Variants in LDHB observed in about 807,000 individuals in gnomAD.
LDHB encodes the protein L-lactate dehydrogenase B chain.
In LDHB, 18 loss-of-function variants were observed where a neutral mutation model predicts 33.4. The ratio of observed to expected loss-of-function variants is 0.54; its 90% confidence interval spans 0.37 to 0.80. LDHB has a LOEUF of 0.80. Ranked by LOEUF, LDHB falls within the 30% of genes least tolerant of loss-of-function variation. LDHB has a pLI of 0.00. For missense variants in LDHB, 345 were observed against 407.9 expected, an observed-to-expected ratio of 0.85 and a Z score of 1.33; for synonymous variants, 121 against 140.6, an observed-to-expected ratio of 0.86 and a Z score of 0.98.
intron 1 of LDHB, among the ~76,000 whole-genome samples, chr12:21,656,011 T>C (rs1245874373): frequency 6.6e-6 from 1 of 151,640 alleles, no homozygotes; most frequent in Non-Finnish European, 1.5e-5. Flanking sequence ...TTTTCACTTG[T>C]TTTTTACTTT....
At chr12:21,647,775 C>T (rs1938565884) in intron 2 of LDHB, among the ~76,000 whole-genome samples, 1 of 35,020 alleles carries the variant, frequency 2.9e-5, no homozygotes, top group African/African-American at 5.8e-5. Flanking sequence ...CCGCCCACTG[C>T]AATCTCCACC....
intron 6 of LDHB, among the ~76,000 whole-genome samples, chr12:21,637,654 T>C (rs1938254214): frequency 6.6e-6 from 1 of 151,984 alleles, no homozygotes. Context: ...TCAGCACAAA[T>C]TGTAGCTCTT....
At chr12:21,654,267 A>C in intron 2 of LDHB, 1 of 410,936 alleles carries the variant, frequency 2.4e-6, no homozygotes, top group South Asian at 2.7e-5. Flanking sequence ...CAACATGGAG[A>C]ATTTTAAATG....
intron 2 of LDHB, among the ~76,000 whole-genome samples, chr12:21,650,105 T>TATACACACAC (rs1555165527): frequency 1.5e-3 from 47 of 30,998 alleles, no homozygotes; most frequent in South Asian, 5.8e-3. Context: ...AGAAAAAAAA[T>TATACACACAC]ACACACACAC....
At chr12:21,653,023 C>T (rs1938737815) in intron 2 of LDHB, among the ~76,000 whole-genome samples, 1 of 152,146 alleles carries the variant, frequency 6.6e-6, no homozygotes, top group Non-Finnish European at 1.5e-5. Flanking sequence ...GGCAAGGCAG[C>T]ATTTTTGTTG....
At chr12:21,652,170 A>C (rs1446861999) in intron 2 of LDHB, among the ~76,000 whole-genome samples, 1 of 152,242 alleles carries the variant, frequency 6.6e-6, no homozygotes, top group Non-Finnish European at 1.5e-5. Context: ...TGAAAGGCTC[A>C]AATTTTGAGA....
At position 21,642,072 on chromosome 12, in the gene LDHB, C is replaced by G; in HGVS notation, c.475G>C (p.Val159Leu). 6.2e-7 allele frequency: 1 copy of G among 1,613,464 alleles called. No individual in the cohort carries two copies. The change falls in exon 5 of 8, where the codon GTG (valine) becomes CTG (leucine). Residue 159 changes from valine to leucine, a missense_variant. Coordinates refer to ENST00000350669, the MANE Select transcript of LDHB (RefSeq NM_002300.8). Reference sequence around the variant, plus strand: ...TCCAGATTACATCCACTTCCAATCACGCGGTGTTTGGGTAATCCACTTAGT... The same window carrying G: ...TCCAGATTACATCCACTTCCAATCAGGCGGTGTTTGGGTAATCCACTTAGT... ...WKLSGLPKHR[V>L]IGSGCNLDSA... is the part of the protein sequence containing the mutation.
chr12:21,639,624 T>C (rs1165377618), intron 5 of LDHB, among the ~76,000 whole-genome samples: 3 of 152,060 alleles, frequency 2.0e-5, no homozygotes, highest in African/African-American at 7.2e-5. Context: ...ACTTTTTACA[T>C]AGTACATAGG....
At chr12:21,657,660 C>G (rs1218147453) in intron 1 of LDHB, 91 bp downstream of exon 1, 1 of 152,406 alleles carries the variant, frequency 6.6e-6, no homozygotes, top group Non-Finnish European at 1.5e-5. Context: ...GCTTCTTCCT[C>G]CTTCCCGCGT....
At chr12:21,650,893 T>C (rs558208898) in intron 2 of LDHB, among the ~76,000 whole-genome samples, 120 of 152,324 alleles carry the variant, frequency 7.9e-4, no homozygotes, top group South Asian at 1.9e-3. Flanking sequence ...TCTCTGAAGG[T>C]AGAAGTGCTC....
chr12:21,641,271 C>T (rs867136700), intron 5 of LDHB, among the ~76,000 whole-genome samples: 20 of 152,174 alleles, frequency 1.3e-4, no homozygotes, highest in African/African-American at 3.6e-4. Context: ...GTTGGCCACA[C>T]TGACATTACA....
At position 21,638,476 on chromosome 12, in the gene LDHB, T is replaced by C. The variant is rs1938277998; in HGVS notation, c.596-6A>G. The C allele has an allele frequency of 9.1e-7, 1 of 1,097,170 alleles. No homozygotes were observed. Among genetic ancestry groups the C allele is most frequent in the African/African-American group, 1.6e-5 (1 of 62,640 alleles). 68.0% of individuals were successfully genotyped at this position (1,097,170 alleles called of 1,614,324 possible). On this transcript the variant is annotated splice_region_variant and splice_polypyrimidine_tract_variant and intron_variant, in intron 5 of 7. Transcript: ENST00000350669. ...CACACCACTCCACACAGCCACTGTT[T>C]AAAAAAAAAAAAAAAGACATTGCAG...
intron 4 of LDHB, 101 bp downstream of exon 4, chr12:21,643,834 T>TG (rs1938437762): frequency 3.2e-6 from 3 of 926,640 alleles, no homozygotes; most frequent in Non-Finnish European, 5.3e-6. Context: ...AAACTGCTTC[T>TG]GTAAATGAAT....
In LDHB at chr12:21,635,957, C is replaced by T. The variant is rs1223407716; in HGVS notation, c.838-248G>A. Among the ~76,000 whole-genome samples the T allele has an allele frequency of 2.6e-5, 4 of 152,108 alleles. No homozygotes were observed. In the East Asian group the frequency reaches 7.7e-4, roughly 29 times the overall value. ...TTGTAGAAAACTTGATAGGCCTGAACTCATTCCCTAATCTAATTTTCATCA... is the reference window on the plus strand; with the variant it reads ...TTGTAGAAAACTTGATAGGCCTGAATTCATTCCCTAATCTAATTTTCATCA... On this transcript the variant is annotated intron_variant, in intron 7 of 7. Transcript: ENST00000350669.
rs774745720 is a variant in LDHB at position 21,635,705 on chromosome 12, A to G, written c.842T>C (p.Met281Thr). The G allele has an allele frequency of 2.5e-6, 4 of 1,613,506 alleles. No homozygotes were observed. The highest frequency in any genetic ancestry group is 2.5e-6 in the Non-Finnish European group (3 of 1,179,574). ...IHPVSTMVKG[M>T]YGIENEVFLS... is the part of the protein sequence containing the mutation. ...GAAGACTTCATTCTCAATGCCATAC[A>G]TCCCCTGCCAGAACAACAAAGCATC... is the stretch of plus-strand genomic sequence containing the variant. The change falls in exon 8 of 8, where the codon ATG becomes ACG. Residue 281 changes from methionine (M) to threonine (T), a missense_variant. Transcript: ENST00000350669.
At chr12:21,636,163 A>C (rs1421096715) in intron 7 of LDHB, among the ~76,000 whole-genome samples, 1 of 152,076 alleles carries the variant, frequency 6.6e-6, no homozygotes, top group African/African-American at 2.4e-5. Flanking sequence ...ATTTTGATAT[A>C]TGAGTCTTCA....
chr12:21,644,047 T>TGAG lies in LDHB; in HGVS notation c.308_309insCTC (p.Glu103delinsAspSer). On this transcript the variant is annotated protein_altering_variant, in exon 4 of 8. Coordinates refer to ENST00000350669, the MANE Select transcript of LDHB (RefSeq NM_002300.8). ...GCACCAGATTGAGCCGACTCTCCCCTTCTTGCTGACGGACTCCTGCAGTTA... is the reference window on the plus strand; with the variant it reads ...GCACCAGATTGAGCCGACTCTCCCCTGAGTCTTGCTGACGGACTCCTGCAGTTA... 6.2e-7 allele frequency: 1 copy of TGAG among 1,613,248 alleles called. No individual in the cohort carries two copies. The highest frequency in any genetic ancestry group is 8.5e-7 in the Non-Finnish European group (1 of 1,179,192).
chr12:21,641,785 G>C (rs373827245), intron 5 of LDHB, among the ~76,000 whole-genome samples, 167 bp downstream of exon 5: 23 of 152,174 alleles, frequency 1.5e-4, no homozygotes, highest in African/African-American at 5.3e-4. Context: ...AGAGAGATGA[G>C]AGAGTAAATG....
intron 2 of LDHB, among the ~76,000 whole-genome samples, chr12:21,651,252 T>C (rs1244273260): frequency 6.6e-6 from 1 of 152,156 alleles, no homozygotes; most frequent in Non-Finnish European, 1.5e-5. Flanking sequence ...CAGGGAGGAT[T>C]TGTGAGGCCT....
Sources: gnomAD v4.1 joint callset for allele counts (sites outside exome capture counted in the v4.1 genomes callset) on GRCh38, gnomAD v4.1.1 for gene constraint, MANE v1.5 for transcripts, NCBI Gene and HGNC (gene_info 2026-07-23, HGNC 2026-07-21) for gene names.